The following CAV1 variants were observed in gnomAD, a reference collection of about 807,000 sequenced individuals.
CAV1 encodes caveolin 1, also known as caveolin-1.
In CAV1, 10 loss-of-function variants were observed where a neutral mutation model predicts 16.5. The observed-to-expected ratio is 0.61, with a 90% CI of 0.37 to 1.03. CAV1 has a LOEUF of 1.03. Ranked by LOEUF, CAV1 falls within the 50% of genes least tolerant of loss-of-function variation. The pLI is 0.01. For missense variants in CAV1, 212 were observed against 232.8 expected, an observed-to-expected ratio of 0.91 and a Z score of 0.58; for synonymous variants, 76 against 85.1, an observed-to-expected ratio of 0.89 and a Z score of 0.59.
chr7:116,541,660 G>A (rs563274933), intron 2 of CAV1, among the ~76,000 whole-genome samples: 2 of 151,790 alleles, frequency 1.3e-5, no homozygotes, highest in African/African-American at 4.8e-5. Context: ...GCCAAGAGGT[G>A]GGAAGATTGC....
intron 2 of CAV1, among the ~76,000 whole-genome samples, chr7:116,528,894 A>T (rs1310339463): frequency 6.6e-6 from 1 of 152,066 alleles, no homozygotes; most frequent in Non-Finnish European, 1.5e-5. Flanking sequence ...CAGTGGCATG[A>T]TCTGGGATCA....
chr7:116,559,925 T>C lies in CAV1; in HGVS notation c.*638T>C, dbSNP rs1794372928. Reference sequence around the variant, plus strand: ...TTTCTGTGCCTGAATATTTGTTATGTAGATAACAAGACCTCAGTGCCTTCC... The same window carrying C: ...TTTCTGTGCCTGAATATTTGTTATGCAGATAACAAGACCTCAGTGCCTTCC... On this transcript the variant is annotated 3_prime_UTR_variant, in exon 3 of 3. Coordinates refer to ENST00000341049, the MANE Select transcript of CAV1 (RefSeq NM_001753.5). 5.0e-6 allele frequency: 2 copies of C among 398,946 alleles called. No homozygotes were observed. The highest frequency in any genetic ancestry group is 8.8e-6 in the Non-Finnish European group (2 of 226,296). The allele number at this position is 398,946 out of a possible 1,614,324, so 24.7% of individuals were successfully genotyped here.
At chr7:116,525,520 G>T in intron 1 of CAV1, 4 of 1,236,068 alleles carry the variant, frequency 3.2e-6, no homozygotes, top group Non-Finnish European at 4.1e-6. Flanking sequence ...GGGACTCTCC[G>T]CCAGGCGCCC....
At position 116,555,518 on chromosome 7, in the gene CAV1, A is replaced by AAGAAAGAGAG. The variant is rs1554357869; in HGVS notation, c.196-3425_196-3424insAAGAGAGAGA. Among the ~76,000 whole-genome samples the AAGAAAGAGAG allele has an allele frequency of 2.9e-3, 41 of 14,048 alleles. 9 individuals carry two copies. Among genetic ancestry groups the AAGAAAGAGAG allele is most frequent in the African/African-American group, 9.1e-3 (38 of 4,172 alleles). 9.2% of individuals were successfully genotyped at this position (14,048 alleles called of 152,430 possible). ...AAAGAAAGAAAGAAAGAAAGAAAGA[A>AAGAAAGAGAG]AGAGAGAGAGAGAGAGAGAGAGAGA... On this transcript the variant is annotated intron_variant, in intron 2 of 2. Transcript: ENST00000341049.
At chr7:116,534,782 A>G (rs551317193) in intron 2 of CAV1, among the ~76,000 whole-genome samples, 3 of 152,102 alleles carry the variant, frequency 2.0e-5, no homozygotes, top group Non-Finnish European at 4.4e-5. Flanking sequence ...TCTTCAAATG[A>G]TTACACTGTG....
At chr7:116,555,947 T>C (rs550348248) in intron 2 of CAV1, among the ~76,000 whole-genome samples, 89 of 152,334 alleles carry the variant, frequency 5.8e-4, no homozygotes, top group African/African-American at 2.0e-3. Context: ...TCTTTAAAAC[T>C]GCCTTAAATT....
At chr7:116,545,211 G>C (rs1330509928) in intron 2 of CAV1, among the ~76,000 whole-genome samples, 1 of 152,132 alleles carries the variant, frequency 6.6e-6, no homozygotes, top group Non-Finnish European at 1.5e-5. Context: ...ACGATTTGGG[G>C]GATGCTTCTG....
At chr7:116,528,925 G>A (rs2115943389) in intron 2 of CAV1, among the ~76,000 whole-genome samples, 1 of 152,178 alleles carries the variant, frequency 6.6e-6, no homozygotes, top group East Asian at 1.9e-4. Flanking sequence ...CACCTCCCAG[G>A]TTCAAGCAAT....
chr7:116,527,870 G>GA (rs371433709), intron 2 of CAV1, among the ~76,000 whole-genome samples: 163 of 150,766 alleles, frequency 1.1e-3, no homozygotes, highest in African/African-American at 3.2e-3. Flanking sequence ...AACTGGAAGG[G>GA]AAAAAAAAAC....
In CAV1 at chr7:116,560,839, G is replaced by A. The variant is rs1211898623; in HGVS notation, c.*1552G>A. Reference sequence around the variant, plus strand: ...TAATTACCAACCTGTTACCTACTTTGACTTTTTGCATTTAAAACAGACACT... The same window carrying A: ...TAATTACCAACCTGTTACCTACTTTAACTTTTTGCATTTAAAACAGACACT... On this transcript the variant is annotated 3_prime_UTR_variant, in exon 3 of 3. Transcript: ENST00000341049. The A allele has an allele frequency of 6.6e-6, 1 of 152,170 alleles. No individual in the cohort carries two copies. The highest frequency in any genetic ancestry group is 6.6e-5 in the Admixed American group (1 of 15,236). The allele number at this position is 152,170 out of a possible 1,614,324, so 9.4% of individuals were successfully genotyped here.
chr7:116,530,988 A>C (rs950164602), intron 2 of CAV1, among the ~76,000 whole-genome samples: 9 of 152,244 alleles, frequency 5.9e-5, no homozygotes, highest in African/African-American at 1.7e-4. Context: ...TGTGAAATGA[A>C]GACAATGCGA....
chr7:116,542,561 G>A (rs546538410), intron 2 of CAV1, among the ~76,000 whole-genome samples: 3 of 152,186 alleles, frequency 2.0e-5, no homozygotes, highest in East Asian at 3.9e-4. Flanking sequence ...ATTTCACTAG[G>A]TCCTCATCTG....
Position 116,560,666 on chromosome 7 carries a change from C to T in CAV1, c.*1379C>T, listed in dbSNP as rs1794392056. ...AAACCTGAGTCGTACAGAAAGCTGC[C>T]TGGTATATCCAAAAGCTTTTTATTC... On this transcript the variant is annotated 3_prime_UTR_variant, in exon 3 of 3. Transcript: ENST00000341049. 6.6e-6 allele frequency: 1 copy of T among 152,616 alleles called. No individual in the cohort carries two copies. Among genetic ancestry groups the T allele is most frequent in the Non-Finnish European group, 1.5e-5 (1 of 68,038 alleles). 9.5% of individuals were successfully genotyped at this position (152,616 alleles called of 1,614,324 possible).
At chr7:116,542,296 T>C (rs898537133) in intron 2 of CAV1, among the ~76,000 whole-genome samples, 2 of 151,894 alleles carry the variant, frequency 1.3e-5, no homozygotes, top group African/African-American at 2.4e-5. Flanking sequence ...TTTAGACCAG[T>C]GGTTCTTCAC....
chr7:116,527,056 C>T, intron 2 of CAV1: 1 of 349,918 alleles, frequency 2.9e-6, no homozygotes, highest in Non-Finnish European at 5.6e-6. Context: ...GGTTGAAAGT[C>T]TAGTGACAGG....
At chr7:116,540,710 A>G (rs1485194708) in intron 2 of CAV1, among the ~76,000 whole-genome samples, 1 of 152,250 alleles carries the variant, frequency 6.6e-6, no homozygotes, top group Non-Finnish European at 1.5e-5. Flanking sequence ...TAGACAAATT[A>G]CAATAGCCCA....
chr7:116,548,215 AC>A (rs1362177282), intron 2 of CAV1, among the ~76,000 whole-genome samples: 1 of 152,218 alleles, frequency 6.6e-6, no homozygotes, highest in Non-Finnish European at 1.5e-5. Context: ...CTGCATTTTA[AC>A]AAGCATCCCC....
chr7:116,525,938 G>T, intron 1 of CAV1: 3 of 681,108 alleles, frequency 4.4e-6, no homozygotes, highest in Non-Finnish European at 5.4e-6. Flanking sequence ...GCCGAGGCAG[G>T]GTGGGGGGCG....
At chr7:116,552,156 G>A (rs899325660) in intron 2 of CAV1, among the ~76,000 whole-genome samples, 11 of 152,278 alleles carry the variant, frequency 7.2e-5, no homozygotes, top group African/African-American at 2.6e-4. Context: ...ATGAACACCA[G>A]CAGACAGGGT....
Sources: gnomAD v4.1 joint callset for allele counts (sites outside exome capture counted in the v4.1 genomes callset) on GRCh38, gnomAD v4.1.1 for gene constraint, MANE v1.5 for transcripts, NCBI Gene and HGNC (gene_info 2026-07-23, HGNC 2026-07-21) for gene names.